CADPS: variants seen among roughly 807,000 people sequenced by gnomAD.
CADPS encodes calcium dependent secretion activator, also known as calcium-dependent secretion activator 1.
A neutral mutation model predicts 167.3 loss-of-function variants in CADPS; 57 were observed. That is an observed-to-expected ratio of 0.34 (90% CI 0.28 to 0.42). The LOEUF (loss-of-function observed/expected upper bound fraction) is 0.42, where lower values mean the gene tolerates loss of function less well. Among genes scored for constraint, CADPS ranks in the 20% least tolerant of loss-of-function variants. The pLI is 1.00. For synonymous variants in CADPS, 676 were observed against 635.3 expected (o/e 1.06, Z -0.96); for missense variants, 1,414 against 1,738.1 (o/e 0.81, Z 3.32).
At chr3:62,872,814 C>A (rs1054744497) in intron 1 of CADPS, among the ~76,000 whole-genome samples, 1 of 152,160 alleles carries the variant, frequency 6.6e-6, no homozygotes, top group Non-Finnish European at 1.5e-5. Context: ...ACATCTCCCC[C>A]ACCCCTTTCG....
At chr3:62,728,332 A>G (rs1210293051) in intron 3 of CADPS, among the ~76,000 whole-genome samples, 1 of 151,792 alleles carries the variant, frequency 6.6e-6, no homozygotes, top group East Asian at 1.9e-4. Flanking sequence ...TGGATGTTAT[A>G]TGTTCCTTAC....
chr3:62,726,697 G>A (rs546390122), intron 3 of CADPS, among the ~76,000 whole-genome samples: 10 of 152,010 alleles, frequency 6.6e-5, no homozygotes, highest in African/African-American at 2.2e-4. Flanking sequence ...TAATAATAAA[G>A]GATTCCAGCC....
At chr3:62,563,245 A>G (rs1209784743) in intron 9 of CADPS, among the ~76,000 whole-genome samples, 2 of 152,218 alleles carry the variant, frequency 1.3e-5, no homozygotes, top group African/African-American at 4.8e-5. Context: ...GCAATTGTGG[A>G]GTGGCAAAAA....
intron 16 of CADPS, among the ~76,000 whole-genome samples, 199 bp from the exon 17 acceptor site, chr3:62,512,967 G>T (rs116480494): frequency 2.4e-3 from 364 of 152,214 alleles, no homozygotes; most frequent in African/African-American, 8.2e-3. Context: ...GGTGGAAAAT[G>T]CTGCACAAAT....
rs141137384 is a variant in CADPS at position 62,571,342 on chromosome 3, T to C, written c.1578-404A>G. ...CACTCAGGAAAACCTTCCCTTGTTT[T>C]CTTTTGCTGTATTGCAGGTGTATTA... is the stretch of plus-strand genomic sequence containing the variant. On this transcript the variant is annotated intron_variant, in intron 8 of 29. Coordinates refer to ENST00000383710, the MANE Select transcript of CADPS (RefSeq NM_003716.4). Among the ~76,000 whole-genome samples the C allele has an allele frequency of 3.8e-3, 579 of 152,308 alleles. 5 individuals carry two copies. The highest frequency in any genetic ancestry group is 0.012 in the African/African-American group (513 of 41,562).
chr3:62,823,920 C>T (rs1330512624), intron 1 of CADPS, among the ~76,000 whole-genome samples: 2 of 152,228 alleles, frequency 1.3e-5, no homozygotes, highest in African/African-American at 4.8e-5. Flanking sequence ...TGCATGACAG[C>T]CTAAGTTAAC....
chr3:62,664,554 A>G (rs181592639), intron 3 of CADPS, among the ~76,000 whole-genome samples: 1 of 152,344 alleles, frequency 6.6e-6, no homozygotes, highest in East Asian at 1.9e-4. Flanking sequence ...GGGAAGCCCA[A>G]AAGTTCTTCA....
intron 4 of CADPS, among the ~76,000 whole-genome samples, chr3:62,656,098 TA>T (rs1465337545): frequency 6.6e-6 from 1 of 152,126 alleles, no homozygotes; most frequent in Non-Finnish European, 1.5e-5. Context: ...ATGAGGATAA[TA>T]AACCTCACAG....
intron 1 of CADPS, among the ~76,000 whole-genome samples, chr3:62,782,531 C>T (rs2091826198): frequency 6.6e-6 from 1 of 152,136 alleles, no homozygotes; most frequent in Admixed American, 6.5e-5. Flanking sequence ...TAAATTTGGA[C>T]TCACATTTTT....
At chr3:62,659,246 C>T (rs17276855) in intron 4 of CADPS, among the ~76,000 whole-genome samples, 17,080 of 152,048 alleles carry the variant, frequency 0.11, 1,053 homozygotes, top group Middle Eastern at 0.19. Context: ...ATAGAAAAAT[C>T]GGGGCATGCT....
chr3:62,518,546 G>A (rs920985128), intron 13 of CADPS, among the ~76,000 whole-genome samples: 5 of 152,162 alleles, frequency 3.3e-5, no homozygotes, highest in African/African-American at 7.2e-5. Context: ...GGCTCACAGC[G>A]TCTTAAGAAA....
chr3:62,667,324 G>C (rs139461647), intron 3 of CADPS, among the ~76,000 whole-genome samples: 91 of 152,092 alleles, frequency 6.0e-4, no homozygotes, highest in African/African-American at 2.1e-3. Context: ...AAAGAAATCA[G>C]ACCAGGGTGG....
At chr3:62,627,762 C>T (rs1390045669) in intron 6 of CADPS, among the ~76,000 whole-genome samples, 4 of 152,118 alleles carry the variant, frequency 2.6e-5, no homozygotes, top group Non-Finnish European at 4.4e-5. Flanking sequence ...CATGCTCGCT[C>T]GAGTCTGCCT....
chr3:62,561,546 A>G (rs1409614897), intron 9 of CADPS, among the ~76,000 whole-genome samples: 1 of 152,078 alleles, frequency 6.6e-6, no homozygotes, highest in Non-Finnish European at 1.5e-5. Context: ...CTGGGATTAC[A>G]GGCATGAGCC....
intron 1 of CADPS, among the ~76,000 whole-genome samples, chr3:62,826,187 T>C (rs1421156535): frequency 1.3e-5 from 2 of 152,110 alleles, no homozygotes; most frequent in Non-Finnish European, 2.9e-5. Context: ...TTCTGAGACA[T>C]AAGGACTTTT....
intron 13 of CADPS, among the ~76,000 whole-genome samples, chr3:62,531,512 A>T (rs898459631): frequency 6.6e-6 from 1 of 152,100 alleles, no homozygotes; most frequent in African/African-American, 2.4e-5. Flanking sequence ...CATCAGTGCT[A>T]GAAGGAGGAA....
intron 1 of CADPS, among the ~76,000 whole-genome samples, chr3:62,861,203 T>A (rs551121413): frequency 1.3e-5 from 2 of 152,338 alleles, no homozygotes; most frequent in South Asian, 4.1e-4. Context: ...GGTTCAACCA[T>A]ATGAGCTTTG....
intron 28 of CADPS, among the ~76,000 whole-genome samples, chr3:62,429,142 T>C (rs1448697823): frequency 6.6e-6 from 1 of 151,786 alleles, no homozygotes; most frequent in African/African-American, 2.4e-5. Context: ...CGTGTGTGTG[T>C]ACACGCACAC....
intron 17 of CADPS, among the ~76,000 whole-genome samples, chr3:62,506,998 A>G (rs1391322253): frequency 1.3e-5 from 2 of 151,916 alleles, no homozygotes; most frequent in Non-Finnish European, 2.9e-5. Flanking sequence ...TCTGAGACCA[A>G]CTCCTTCATG....
Sources: allele counts gnomAD v4.1 joint callset (sites outside exome capture counted in the v4.1 genomes callset), GRCh38; gene constraint gnomAD v4.1.1; transcripts MANE v1.5; gene names NCBI Gene and HGNC (gene_info 2026-07-23, HGNC 2026-07-21).